The following PLD4 variants were observed in gnomAD, a reference collection of about 807,000 sequenced individuals.
PLD4 encodes phospholipase D family member 4, also known as 5'-3' exonuclease PLD4.
PLD4 carries 54 observed loss-of-function variants against 52.3 expected under a neutral mutation model. That is an observed-to-expected ratio of 1.03 (90% CI 0.83 to 1.30). The LOEUF (loss-of-function observed/expected upper bound fraction) is 1.30. Among genes scored for constraint, PLD4 ranks in the 50% most tolerant of loss-of-function variants. The pLI is 0.00. For missense variants in PLD4, 731 were observed against 671.1 expected, an observed-to-expected ratio of 1.09 and a Z score of -0.99; for synonymous variants, 264 against 286.5, an observed-to-expected ratio of 0.92 and a Z score of 0.79.
At chr14:104,929,177 C>A in intron 4 of PLD4, 130 bp from the exon 5 acceptor site, 1 of 1,418,784 alleles carries the variant, frequency 7.0e-7, no homozygotes, top group Non-Finnish European at 9.5e-7. Flanking sequence ...AAGGGTCATC[C>A]AGATACTTGA....
rs572969155 is a variant in PLD4, at chr14:104,932,932, G to A, written c.1489G>A (p.Ala497Thr). The A allele has an allele frequency of 6.3e-7, 1 of 1,598,982 alleles. No individual in the cohort carries two copies. The highest frequency in any genetic ancestry group is 8.5e-7 in the Non-Finnish European group (1 of 1,174,254). ...CTACGCCGTCGGCCTGGACGGACAG[G>A]CTCCGGGCCAGGACTGCGTTTGGCA... ...SRYAVGLDGQ[A>T]PGQDCVWQG The change falls in exon 11 of 11, where the codon GCT (alanine) becomes ACT (threonine). Residue 497 changes from alanine (A) to threonine (T), a missense_variant. Physicochemically the swap from Ala to Thr is moderately conservative, Grantham distance 58 (BLOSUM62 0). Transcript: ENST00000392593. The surrounding 1 kb of genome is among the most constrained non-coding windows in gnomAD (Gnocchi z 6.5).
chr14:104,928,685 G>C, intron 3 of PLD4, 64 bp from the exon 4 acceptor site: 1 of 1,464,022 alleles, frequency 6.8e-7, no homozygotes. Context: ...GGATGGGGCA[G>C]GTGATGTGAG....
At chr14:104,933,495 G>GA (rs1566891980), downstream of PLD4, 1 of 151,464 alleles carries the variant, frequency 6.6e-6, no homozygotes, top group Non-Finnish European at 1.5e-5. Context: ...GCTGCCGGGG[G>GA]AAGCGAGAGG....
Position 104,932,112 on chromosome 14 carries a change from A to G in PLD4, c.1159A>G (p.Met387Val). 1 of 1,611,310 alleles carries G rather than the reference A, an allele frequency of 6.2e-7. No individual in the cohort carries two copies. The highest frequency in any genetic ancestry group is 8.5e-7 in the Non-Finnish European group (1 of 1,179,376). Reference protein sequence around the residue: ...VGCGLNTDPTMFPYLRSLQAL... With the variant: ...VGCGLNTDPTVFPYLRSLQAL... ...CTGCGGACTCAACACGGACCCCACCATGTTCCCCTACCTGCGGTCCCTGCA... is the reference window on the plus strand; with the variant it reads ...CTGCGGACTCAACACGGACCCCACCGTGTTCCCCTACCTGCGGTCCCTGCA... Residue 387 changes from methionine to valine, a missense_variant, in exon 9 of 11, where the codon ATG becomes GTG. Met to Val is a conservative substitution (Grantham distance 21, BLOSUM62 1). Transcript: ENST00000392593. This position sits in a 1 kb window ranked among gnomAD's most constrained non-coding sequence, Gnocchi z 6.5.
Position 104,930,090 on chromosome 14 carries a change from GCGGTCTCTGA to G in PLD4, c.705_714del (p.Ser236ArgfsTer2). 6.2e-7 allele frequency: 1 copy of G among 1,613,414 alleles called. No individual in the cohort carries two copies. The highest frequency in any genetic ancestry group is 8.5e-7 in the Non-Finnish European group (1 of 1,179,974). ...ACATGGGCAGTGCCAACATGGACTG[GCGGTCTCTGA>G]CGCAGGTGAGTGCCAGGGCCCTAAC... On this transcript the variant is annotated frameshift_variant, in exon 6 of 11. Transcript: ENST00000392593. LOFTEE classifies it high-confidence loss of function.
rs868139447 is a variant in PLD4, at chr14:104,932,679, A to C, written c.1322-86A>C. The C allele has an allele frequency of 6.5e-5, 88 of 1,358,138 alleles. No individual in the cohort carries two copies. In the Middle Eastern group the frequency reaches 1.0e-3, roughly 16 times the overall value. The allele number at this position is 1,358,138 out of a possible 1,614,324, so 84.1% of individuals were successfully genotyped here. The stretch of plus-strand genomic sequence containing the variant: ...AGGGGCCAGCTGCCAACCGTCCCCA[A>C]ACCCGTAGCCGGGCCTGGCGCTGAG... On this transcript the variant is annotated intron_variant, in intron 10 of 10. Transcript: ENST00000392593. This position sits in a 1 kb window ranked among gnomAD's most constrained non-coding sequence, Gnocchi z 6.5.
At chr14:104,930,127 C>A in intron 6 of PLD4, 22 bp downstream of exon 6, 1 of 1,612,128 alleles carries the variant, frequency 6.2e-7, no homozygotes, top group Non-Finnish European at 8.5e-7. Flanking sequence ...GGCCCTAACA[C>A]AGGAGGCCTG....
Position 104,933,031 on chromosome 14 carries a change from C to T in PLD4, c.*67C>T. On this transcript the variant is annotated 3_prime_UTR_variant, in exon 11 of 11. Transcript: ENST00000392593. ...CCCTCCCCTCTGACCCCGGCCTGGGCTTCAGCCGCTTCCTCCCGCAAGCAG... is the reference window on the plus strand; with the variant it reads ...CCCTCCCCTCTGACCCCGGCCTGGGTTTCAGCCGCTTCCTCCCGCAAGCAG... 7 of 1,446,984 alleles carry T rather than the reference C, an allele frequency of 4.8e-6. No homozygotes were observed. Among genetic ancestry groups the T allele is most frequent in the Middle Eastern group, 2.5e-4 (1 of 4,058 alleles). 89.6% of individuals were successfully genotyped at this position (1,446,984 alleles called of 1,614,324 possible).
At position 104,933,140 on chromosome 14, in the gene PLD4, G is replaced by C; in HGVS notation, c.*176G>C. ...GCCTGCTCTCTGATTTCCGAGTCCA[G>C]CCCCCCCTGAGCCCCACCTCCTCCA... is the stretch of plus-strand genomic sequence containing the variant. On this transcript the variant is annotated 3_prime_UTR_variant, in exon 11 of 11. Transcript: ENST00000392593. 1.4e-6 allele frequency: 1 copy of C among 702,570 alleles called. No individual in the cohort carries two copies. Among genetic ancestry groups the C allele is most frequent in the Non-Finnish European group, 2.2e-6 (1 of 452,314 alleles). The allele number at this position is 702,570 out of a possible 1,614,324, so 43.5% of individuals were successfully genotyped here.
downstream of PLD4, chr14:104,937,752 AAATTT>A: frequency 3.1e-6 from 1 of 320,864 alleles, no homozygotes; most frequent in Admixed American, 4.4e-5. Context: ...AGGTCTCTGG[AAATTT>A]ATCTAATAAA....
chr14:104,929,849 C>G (rs1897581022), intron 5 of PLD4, 129 bp from the exon 6 acceptor site: 2 of 1,100,128 alleles, frequency 1.8e-6, no homozygotes, highest in East Asian at 2.5e-5. Context: ...ATGAGGATAG[C>G]AGCAGCTTAG....
intron 7 of PLD4, among the ~76,000 whole-genome samples, 184 bp from the exon 8 acceptor site, chr14:104,931,564 C>A (rs1314796683): frequency 1.3e-5 from 2 of 152,162 alleles, no homozygotes; most frequent in East Asian, 3.9e-4. Flanking sequence ...CCACTCTCTC[C>A]GCCAGGCCTC....
At chr14:104,929,461 C>T in intron 5 of PLD4, 34 bp downstream of exon 5, 1 of 1,518,014 alleles carries the variant, frequency 6.6e-7, no homozygotes, top group Non-Finnish European at 8.9e-7. Flanking sequence ...CACCACTGCC[C>T]TAGCGTCGGG....
chr14:104,927,332 C>A, intron 2 of PLD4, 102 bp downstream of exon 2: 1 of 1,039,630 alleles, frequency 9.6e-7, no homozygotes, highest in Non-Finnish European at 1.4e-6. Context: ...AGGGGGCCTC[C>A]AAGCAGAGGT....
In PLD4 at chr14:104,932,850, G is replaced by T; in HGVS notation, c.1407G>T (p.Ala469=). 1.2e-6 allele frequency: 2 copies of T among 1,604,478 alleles called. No individual in the cohort carries two copies. The highest frequency in any genetic ancestry group is 1.3e-5 in the African/African-American group (1 of 74,938). The change falls in exon 11 of 11, where the codon GCG becomes GCT. Residue 469 remains alanine, a synonymous_variant. Transcript: ENST00000392593. The surrounding 1 kb of genome is among the most constrained non-coding windows in gnomAD (Gnocchi z 6.5). ...CCCAGAGCCCTGGCGCGCAGCCCGC[G>T]GGGGCCACGGTGCAGGAGCAGCTGC... ...VVTQSPGAQP[A]GATVQEQLRQ...
chr14:104,926,130 C>T (rs1172718753), intron 1 of PLD4, among the ~76,000 whole-genome samples: 1 of 152,134 alleles, frequency 6.6e-6, no homozygotes, highest in Non-Finnish European at 1.5e-5. Flanking sequence ...TGGGTCCCAG[C>T]GCCCAGCCTG....
Position 104,931,752 on chromosome 14 carries a change from C to G in PLD4, c.923C>G (p.Ser308Trp), listed in dbSNP as rs771015727. ...GGGATTTCTCTCCCGTCACAGGCGT[C>G]GCCACCAGCACTCTGTCCCCAGGGC... Reference protein sequence around the residue: ...GVPTTAYFSASPPALCPQGRT... With the variant: ...GVPTTAYFSAWPPALCPQGRT... Residue 308 changes from serine to tryptophan, a missense_variant, in exon 8 of 11, where the codon TCG becomes TGG. Coordinates refer to ENST00000392593, the MANE Select transcript of PLD4 (RefSeq NM_138790.5). 6.3e-7 allele frequency: 1 copy of G among 1,586,068 alleles called. No homozygotes were observed. Among genetic ancestry groups the G allele is most frequent in the Non-Finnish European group, 8.6e-7 (1 of 1,167,150 alleles).
Position 104,931,836 on chromosome 14 carries a change from A to T in PLD4, c.1007A>T (p.Tyr336Phe), listed in dbSNP as rs1477311456. Reference sequence around the variant, plus strand: ...ATGGGGAGCGCCCAGGAGTTCATCTATGCCTCCGTGATGGAGTATTTCCCC... The same window carrying T: ...ATGGGGAGCGCCCAGGAGTTCATCTTTGCCTCCGTGATGGAGTATTTCCCC... ...AVMGSAQEFI[Y>F]ASVMEYFPTT... is the part of the protein sequence containing the mutation. The change falls in exon 8 of 11, where the codon TAT becomes TTT. Residue 336 changes from tyrosine to phenylalanine, a missense_variant. Physicochemically the swap from Tyr to Phe is conservative, Grantham distance 22. Coordinates refer to ENST00000392593, the MANE Select transcript of PLD4 (RefSeq NM_138790.5). 6.4e-7 allele frequency: 1 copy of T among 1,567,974 alleles called. No homozygotes were observed. Among genetic ancestry groups the T allele is most frequent in the Non-Finnish European group, 8.7e-7 (1 of 1,155,646 alleles).
In PLD4 at chr14:104,932,882, T is replaced by C. The variant is rs758428840; in HGVS notation, c.1439T>C (p.Leu480Pro). 4.4e-6 allele frequency: 7 copies of C among 1,603,888 alleles called. No homozygotes were observed. The South Asian group carries it at 7.8e-5, about 18-fold the overall frequency. The change falls in exon 11 of 11, where the codon CTC (leucine) becomes CCC (proline). Residue 480 changes from leucine (L) to proline (P), a missense_variant. Physicochemically the swap from Leu to Pro is moderately conservative, Grantham distance 98. Coordinates refer to ENST00000392593, the MANE Select transcript of PLD4 (RefSeq NM_138790.5). This position sits in a 1 kb window ranked among gnomAD's most constrained non-coding sequence, Gnocchi z 6.5. ...GATVQEQLRQLFERDWSSRYA... is the reference protein window; with the variant it reads ...GATVQEQLRQPFERDWSSRYA... ...ACGGTGCAGGAGCAGCTGCGGCAGCTCTTTGAGCGGGACTGGAGTTCGCGC... is the reference window on the plus strand; with the variant it reads ...ACGGTGCAGGAGCAGCTGCGGCAGCCCTTTGAGCGGGACTGGAGTTCGCGC...
Sources: allele counts gnomAD v4.1 joint callset (sites outside exome capture counted in the v4.1 genomes callset), GRCh38; gene constraint gnomAD v4.1.1; non-coding constraint Gnocchi (gnomAD v3.1); transcripts MANE v1.5; gene names NCBI Gene and HGNC (gene_info 2026-07-23, HGNC 2026-07-21).